The following EDN1 variants were observed in gnomAD, a reference collection of about 807,000 sequenced individuals.
EDN1 encodes endothelin-1.
EDN1 carries 11 observed loss-of-function variants against 21.7 expected under a neutral mutation model. The ratio of observed to expected loss-of-function variants is 0.51; its 90% CI spans 0.32 to 0.84. The LOEUF is 0.84. EDN1 is among the 40% of genes least tolerant of loss of function. The pLI, the probability that EDN1 is intolerant of heterozygous loss-of-function variation, is 0.03. For missense variants in EDN1, 244 were observed against 262.3 expected (o/e 0.93, Z 0.48); for synonymous variants, 85 against 90.6 (o/e 0.94, Z 0.35).
At chr6:12,294,790 A>C (rs971459605) in intron 4 of EDN1, among the ~76,000 whole-genome samples, 4 of 152,206 alleles carry the variant, frequency 2.6e-5, no homozygotes, top group African/African-American at 9.7e-5. Context: ...GACATTTAGA[A>C]AAAGAATCAA....
chr6:12,279,690 G>T, the EDN1 span, among the ~76,000 whole-genome samples: 1 of 152,188 alleles, frequency 6.6e-6, no homozygotes, highest in East Asian at 1.9e-4. Context: ...GATGCCACTA[G>T]GAAAATTTGA....
the EDN1 span, among the ~76,000 whole-genome samples, chr6:12,242,940 T>C: frequency 2.6e-5 from 4 of 152,210 alleles, no homozygotes; most frequent in South Asian, 2.1e-4. Flanking sequence ...CTTAGAATTA[T>C]GCTAGAGTAT....
chr6:12,249,902 G>T, the EDN1 span, among the ~76,000 whole-genome samples: 2 of 152,040 alleles, frequency 1.3e-5, no homozygotes, highest in African/African-American at 2.4e-5. Context: ...ACCAGAGACT[G>T]CCAGAACCAC....
chr6:12,284,167 GA>G, the EDN1 span, among the ~76,000 whole-genome samples: 1 of 152,150 alleles, frequency 6.6e-6, no homozygotes, highest in Admixed American at 6.5e-5. Flanking sequence ...GATAAACACG[GA>G]TGCACATCAC....
the EDN1 span, among the ~76,000 whole-genome samples, chr6:12,246,848 C>A: frequency 6.6e-6 from 1 of 152,170 alleles, no homozygotes; most frequent in Non-Finnish European, 1.5e-5. Flanking sequence ...CTCAGTTTTC[C>A]ATCTCAAACT....
Position 12,290,684 on chromosome 6 carries a change from C to G in EDN1, c.55C>G (p.Pro19Ala). ...GCTGTTTGTGGCTTGCCAAGGAGCT[C>G]CAGAAACAGGTAGGCACGCTCGTTG... ...SLLFVACQGA[P>A]ETAVLGAELS... Residue 19 changes from proline (P) to alanine (A), a missense_variant, in exon 1 of 5, where the codon CCA becomes GCA. Transcript: ENST00000379375. The G allele has an allele frequency of 6.2e-7, 1 of 1,613,904 alleles. No homozygotes were observed.
At chr6:12,292,636 TG>T in intron 2 of EDN1, 127 bp downstream of exon 2, 1 of 1,112,264 alleles carries the variant, frequency 9.0e-7, no homozygotes. Context: ...AGTGCCTCAG[TG>T]GGGACAGTTT....
chr6:12,284,810 G>A, the EDN1 span, among the ~76,000 whole-genome samples: 2 of 150,764 alleles, frequency 1.3e-5, no homozygotes, highest in Admixed American at 1.3e-4. Context: ...CATGAAGGTA[G>A]CTGCCGTATT....
At chr6:12,279,725 G>A in the EDN1 span, among the ~76,000 whole-genome samples, 2 of 152,164 alleles carry the variant, frequency 1.3e-5, no homozygotes, top group Admixed American at 6.5e-5. Flanking sequence ...AAACTATCTG[G>A]TGAAATGAAA....
chr6:12,250,195 C>T, the EDN1 span, among the ~76,000 whole-genome samples: 1 of 151,692 alleles, frequency 6.6e-6, no homozygotes, highest in Non-Finnish European at 1.5e-5. Context: ...AAAGTGTTCA[C>T]TGACTGCTGG....
Position 12,296,519 on chromosome 6 carries a change from C to T in EDN1, c.*452C>T. 6.3e-6 allele frequency: 1 copy of T among 158,108 alleles called. No individual in the cohort carries two copies. The highest frequency in any genetic ancestry group is 6.0e-5 in the Admixed American group (1 of 16,626). The allele number at this position is 158,108 out of a possible 1,614,324, so 9.8% of individuals were successfully genotyped here. A position where few individuals can be genotyped will look rare whatever the true frequency, so the allele number is the denominator to read the frequency against. On this transcript the variant is annotated 3_prime_UTR_variant, in exon 5 of 5. Coordinates refer to ENST00000379375, the MANE Select transcript of EDN1 (RefSeq NM_001955.5). ...GGAATGCACAAATTGAAAACACACTCAAAAGACAAACATGCAAGTAAAGAA... is the reference window on the plus strand; with the variant it reads ...GGAATGCACAAATTGAAAACACACTTAAAAGACAAACATGCAAGTAAAGAA...
the EDN1 span, among the ~76,000 whole-genome samples, chr6:12,285,149 C>G: frequency 6.6e-6 from 1 of 152,062 alleles, no homozygotes; most frequent in South Asian, 2.1e-4. Context: ...AATACATAAT[C>G]ATATCATTAT....
At chr6:12,295,082 C>G (rs1252665440) in intron 4 of EDN1, among the ~76,000 whole-genome samples, 1 of 151,960 alleles carries the variant, frequency 6.6e-6, no homozygotes, top group Non-Finnish European at 1.5e-5. Flanking sequence ...TTGGTGATAA[C>G]CCTTCCAAAT....
At chr6:12,289,698 G>A (rs1016576177), upstream of EDN1, among the ~76,000 whole-genome samples, 22 of 152,170 alleles carry the variant, frequency 1.4e-4, no homozygotes, top group African/African-American at 5.3e-4. Context: ...AAAAGACTGG[G>A]CATGTGCCTA....
the EDN1 span, among the ~76,000 whole-genome samples, chr6:12,278,935 T>C: frequency 3.3e-5 from 5 of 152,098 alleles, no homozygotes; most frequent in Admixed American, 6.5e-5. Flanking sequence ...CTATCTCAAA[T>C]ACTTGAGTCC....
the EDN1 span, among the ~76,000 whole-genome samples, chr6:12,274,784 C>A: frequency 6.6e-6 from 1 of 152,220 alleles, no homozygotes; most frequent in Non-Finnish European, 1.5e-5. Context: ...GGACAAATAG[C>A]TAGCAAGTGT....
At chr6:12,289,426 G>A (rs578215943), upstream of EDN1, among the ~76,000 whole-genome samples, 3 of 152,072 alleles carry the variant, frequency 2.0e-5, no homozygotes, top group South Asian at 2.1e-4. Flanking sequence ...ACCCTCCTCG[G>A]CCCCCAAGCC....
At chr6:12,232,438 T>C in the EDN1 span, among the ~76,000 whole-genome samples, 1 of 151,794 alleles carries the variant, frequency 6.6e-6, no homozygotes, top group African/African-American at 2.4e-5. Context: ...ATGACCAGGG[T>C]ACTCATAAAA....
chr6:12,258,250 G>A, the EDN1 span, among the ~76,000 whole-genome samples: 1 of 150,402 alleles, frequency 6.6e-6, no homozygotes, highest in Non-Finnish European at 1.5e-5. Context: ...CCAGGAGTTC[G>A]AGACCAGACT....
Sources: gnomAD v4.1 joint callset for allele counts (sites outside exome capture counted in the v4.1 genomes callset) on GRCh38, gnomAD v4.1.1 for gene constraint, MANE v1.5 for transcripts, NCBI Gene and HGNC (gene_info 2026-07-23, HGNC 2026-07-21) for gene names.